The following MMP26 variants were observed in gnomAD, a reference collection of about 807,000 sequenced individuals.
The protein encoded by MMP26 is matrix metallopeptidase 26.
A neutral mutation model predicts 31.0 loss-of-function variants in MMP26; 33 were observed. The ratio of observed to expected loss-of-function variants is 1.06; its 90% CI spans 0.81 to 1.42. The LOEUF is 1.42. Ranked by LOEUF, MMP26 falls within the 40% of genes most tolerant of loss-of-function variation. The pLI, the probability that MMP26 is intolerant of heterozygous loss-of-function variation, is 0.00. For missense variants in MMP26, 347 were observed against 316.1 expected, an observed-to-expected ratio of 1.10 and a Z score of -0.74; for synonymous variants, 122 against 114.9, an observed-to-expected ratio of 1.06 and a Z score of -0.40.
At chr11:4,712,869 T>G (rs1281128975) in intron 1 of MMP26, among the ~76,000 whole-genome samples, 2 of 152,064 alleles carry the variant, frequency 1.3e-5, no homozygotes, top group East Asian at 3.9e-4. Context: ...TGTTACACTC[T>G]GAATTCAACA....
At chr11:4,768,952 GT>G (rs1045968268) in intron 2 of MMP26, 1 of 1,445,882 alleles carries the variant, frequency 6.9e-7, no homozygotes, top group Non-Finnish European at 9.3e-7. Context: ...TTCATGCCAG[GT>G]TTGTATCAAA....
chr11:4,959,098 C>T (rs1011171907), intron 2 of MMP26, among the ~76,000 whole-genome samples: 3 of 151,802 alleles, frequency 2.0e-5, no homozygotes, highest in Non-Finnish European at 2.9e-5. Flanking sequence ...ATTAGCCGGG[C>T]GTGGTGGCGG....
At chr11:4,734,476 G>A (rs977022245) in intron 1 of MMP26, among the ~76,000 whole-genome samples, 1 of 151,926 alleles carries the variant, frequency 6.6e-6, no homozygotes, top group African/African-American at 2.4e-5. Flanking sequence ...TAAAATGGAA[G>A]TTTAGGCTAT....
intron 2 of MMP26, chr11:4,877,800 A>T (rs562084044): frequency 6.6e-6 from 1 of 152,322 alleles, no homozygotes; most frequent in South Asian, 2.1e-4. Flanking sequence ...GAAATTGCAT[A>T]ATGGTTTTCA....
chr11:4,711,323 T>C (rs977770738), intron 1 of MMP26: 1 of 152,222 alleles, frequency 6.6e-6, no homozygotes, highest in Non-Finnish European at 1.5e-5. Context: ...ATATTTCATG[T>C]GAATATGTGT....
chr11:4,769,124 C>T lies in MMP26; in HGVS notation c.-145+1783C>T, dbSNP rs201118576. 5.7e-5 allele frequency: 91 copies of T among 1,607,916 alleles called. No individual in the cohort carries two copies. The highest frequency in any genetic ancestry group is 1.1e-4 in the South Asian group (10 of 89,806). ...TACTCTGGGGGCTGACCGACCATAG[C>T]GATACACCAAGGACAGGCTCAGCAT... is the stretch of plus-strand genomic sequence containing the variant. On this transcript the variant is annotated intron_variant, in intron 2 of 7. Coordinates refer to ENST00000380390, the MANE Select transcript of MMP26 (RefSeq NM_021801.5).
rs1846350045 is a variant in MMP26 at position 4,949,447 on chromosome 11, G to A, written c.-144-38621G>A. 1.6e-5 allele frequency among the ~76,000 whole-genome samples: 2 copies of A among 123,060 alleles called. 1 individual carries two copies. The highest frequency in any genetic ancestry group is 5.5e-5 in the African/African-American group (2 of 36,438). The allele number at this position is 123,060 out of a possible 152,430, so 80.7% of individuals were successfully genotyped here. On this transcript the variant is annotated intron_variant, in intron 2 of 7. Coordinates refer to ENST00000380390, the MANE Select transcript of MMP26 (RefSeq NM_021801.5). ...TAATATCTCATTCTAGAGACGTGAAGTATTGTTCTTGTAAAAAACAAAATG... is the reference window on the plus strand; with the variant it reads ...TAATATCTCATTCTAGAGACGTGAAATATTGTTCTTGTAAAAAACAAAATG...
chr11:4,723,973 G>T, intron 1 of MMP26: 1 of 743,322 alleles, frequency 1.3e-6, no homozygotes, highest in Non-Finnish European at 2.4e-6. Flanking sequence ...CTGGTTGACT[G>T]TGTCAGTGGT....
At chr11:4,724,233 C>T (rs1279567543) in intron 1 of MMP26, 2 of 447,568 alleles carry the variant, frequency 4.5e-6, no homozygotes, top group Non-Finnish European at 8.1e-6. Context: ...GGCCTTTGAT[C>T]TAGGTCTTAT....
intron 2 of MMP26, among the ~76,000 whole-genome samples, chr11:4,941,028 TA>T (rs1412432188): frequency 6.7e-6 from 1 of 149,078 alleles, no homozygotes; most frequent in African/African-American, 2.5e-5. Flanking sequence ...TGTTGGATTA[TA>T]TACCTTTTCC....
chr11:4,956,715 A>G (rs1846448707), intron 2 of MMP26, among the ~76,000 whole-genome samples: 2 of 152,182 alleles, frequency 1.3e-5, no homozygotes, highest in Admixed American at 1.3e-4. Context: ...GACATCGCTA[A>G]CTAAATATCC....
rs1656462019 is a variant in MMP26, at chr11:4,989,513, T to A, written c.100-135T>A. The A allele has an allele frequency of 4.8e-6, 3 of 625,520 alleles. No individual in the cohort carries two copies. The Admixed American group carries it at 8.3e-5, about 17-fold the overall frequency. The allele number at this position is 625,520 out of a possible 1,614,324, so 38.7% of individuals were successfully genotyped here. A position where few individuals can be genotyped will look rare whatever the true frequency, so the allele number is the denominator to read the frequency against. On this transcript the variant is annotated intron_variant, in intron 3 of 7. Coordinates refer to ENST00000380390, the MANE Select transcript of MMP26 (RefSeq NM_021801.5). ...TCAGGGATGGCTGCCATCATCTGACTGAGAACAGGAGACTTAGGAAGGCCA... is the reference window on the plus strand; with the variant it reads ...TCAGGGATGGCTGCCATCATCTGACAGAGAACAGGAGACTTAGGAAGGCCA...
intron 2 of MMP26, among the ~76,000 whole-genome samples, chr11:4,893,156 A>T (rs781450285): frequency 1.2e-4 from 19 of 152,138 alleles, no homozygotes; most frequent in Non-Finnish European, 2.8e-4. Context: ...TATAATATAC[A>T]TACTACATAT....
At chr11:4,758,776 C>T (rs12273089) in intron 1 of MMP26, among the ~76,000 whole-genome samples, 15,988 of 152,052 alleles carry the variant, frequency 0.11, 932 homozygotes, top group Middle Eastern at 0.23. Context: ...GCATATATAA[C>T]ATTCAATTGA....
At chr11:4,779,355 T>C (rs1848829389) in intron 2 of MMP26, among the ~76,000 whole-genome samples, 1 of 152,058 alleles carries the variant, frequency 6.6e-6, no homozygotes. Flanking sequence ...TAAGATACGT[T>C]GCACGATTTT....
At chr11:4,821,564 T>C (rs761250594) in intron 2 of MMP26, 1 of 1,613,174 alleles carries the variant, frequency 6.2e-7, no homozygotes, top group Non-Finnish European at 8.5e-7. Flanking sequence ...AGCATGATCC[T>C]GTTTGTGGTC....
chr11:4,766,388 C>T (rs1014123295), intron 1 of MMP26, among the ~76,000 whole-genome samples: 1 of 152,190 alleles, frequency 6.6e-6, no homozygotes, highest in Middle Eastern at 3.2e-3. Context: ...TCAGTGTCTT[C>T]ATGGGTCACT....
At chr11:4,908,348 C>T in intron 2 of MMP26, 1 of 1,505,540 alleles carries the variant, frequency 6.6e-7, no homozygotes, top group Non-Finnish European at 9.2e-7. Context: ...AACCAGTAGG[C>T]ATTTACTGTC....
intron 1 of MMP26, among the ~76,000 whole-genome samples, chr11:4,739,101 A>G (rs1391169606): frequency 6.6e-6 from 1 of 152,198 alleles, no homozygotes; most frequent in African/African-American, 2.4e-5. Flanking sequence ...TTAAAAGCCA[A>G]CTGTATTAAG....
Sources: gnomAD v4.1 joint callset for allele counts (sites outside exome capture counted in the v4.1 genomes callset) on GRCh38, gnomAD v4.1.1 for gene constraint, MANE v1.5 for transcripts, NCBI Gene and HGNC (gene_info 2026-07-23, HGNC 2026-07-21) for gene names.